NBEA: variants seen among roughly 807,000 people sequenced by gnomAD.
NBEA encodes lysosomal-trafficking regulator 2.
In NBEA, 44 loss-of-function variants were observed where a neutral mutation model predicts 343.4. The observed-to-expected ratio is 0.13, with a 90% CI of 0.10 to 0.16. The LOEUF is 0.16. NBEA is among the 10% of genes least tolerant of loss of function. NBEA has a pLI of 1.00. For missense variants in NBEA, 2,555 were observed against 3,631.3 expected (o/e 0.70, Z 7.62); for synonymous variants, 1,175 against 1,238.7 (o/e 0.95, Z 1.08).
intron 38 of NBEA, among the ~76,000 whole-genome samples, chr13:35,392,428 T>C (rs2042547152): frequency 6.6e-6 from 1 of 151,860 alleles, no homozygotes; most frequent in Admixed American, 6.6e-5. Context: ...ATAGGAAACA[T>C]CTGGTGGTAA....
At chr13:35,490,657 A>G (rs1594794278) in intron 41 of NBEA, among the ~76,000 whole-genome samples, 1 of 151,992 alleles carries the variant, frequency 6.6e-6, no homozygotes, top group Non-Finnish European at 1.5e-5. Context: ...ATCTTTAAAC[A>G]AGACAAAGAA....
chr13:35,475,434 C>A (rs772560521), intron 41 of NBEA: 9 of 1,613,386 alleles, frequency 5.6e-6, no homozygotes, highest in Non-Finnish European at 7.6e-6. Context: ...TCTCTGCCTC[C>A]GCGAACTGCA....
chr13:35,561,063 CCTATAT>C (rs2079835607), intron 44 of NBEA, among the ~76,000 whole-genome samples: 1 of 152,046 alleles, frequency 6.6e-6, no homozygotes, highest in African/African-American at 2.4e-5. Flanking sequence ...GAATTACTGC[CCTATAT>C]CTATATCTTT....
In NBEA at chr13:35,212,874, C is replaced by CT. The variant is rs760557548; in HGVS notation, c.5648+1703dup. On this transcript the variant is annotated intron_variant, in intron 33 of 58. Coordinates refer to ENST00000379939, the MANE Select transcript of NBEA (RefSeq NM_001385012.1). ...CTAGTCCATTTTTTTAAATTGTGGGCTTTTTTTTGTCTTTTTCTAATTAAT... is the reference window on the plus strand; with the variant it reads ...CTAGTCCATTTTTTTAAATTGTGGGCTTTTTTTTTGTCTTTTTCTAATTAAT... Among the ~76,000 whole-genome samples the CT allele has an allele frequency of 3.1e-3, 463 of 151,392 alleles. 1 individual carries two copies. The highest frequency in any genetic ancestry group is 0.01 in the African/African-American group (422 of 41,326).
chr13:35,472,086 T>A (rs1194322184), intron 40 of NBEA, among the ~76,000 whole-genome samples: 1 of 152,178 alleles, frequency 6.6e-6, no homozygotes. Context: ...TTGGGGCATT[T>A]GTCCGTTCTG....
At chr13:35,247,913 T>C (rs1481482894) in intron 34 of NBEA, among the ~76,000 whole-genome samples, 1 of 151,832 alleles carries the variant, frequency 6.6e-6, no homozygotes, top group African/African-American at 2.4e-5. Context: ...AAGTAAAAAA[T>C]GAAAGAGTAG....
chr13:35,278,640 T>C (rs1594054836), intron 34 of NBEA, among the ~76,000 whole-genome samples: 2 of 152,222 alleles, frequency 1.3e-5, no homozygotes, highest in African/African-American at 2.4e-5. Flanking sequence ...CCAATACTTT[T>C]CCATATCATT....
At chr13:35,017,661 T>G (rs2061701474) in intron 1 of NBEA, among the ~76,000 whole-genome samples, 1 of 152,218 alleles carries the variant, frequency 6.6e-6, no homozygotes, top group South Asian at 2.1e-4. Context: ...GGCTTATATT[T>G]TTAATTAAGA....
chr13:35,068,758 G>T (rs2063751821), intron 8 of NBEA, among the ~76,000 whole-genome samples: 1 of 152,104 alleles, frequency 6.6e-6, no homozygotes, highest in Non-Finnish European at 1.5e-5. Flanking sequence ...TAAAATGTTT[G>T]AATTAAATTT....
chr13:35,101,921 G>C (rs2065665842), intron 11 of NBEA, among the ~76,000 whole-genome samples: 1 of 151,526 alleles, frequency 6.6e-6, no homozygotes, highest in Non-Finnish European at 1.5e-5. Context: ...TTTTAATATA[G>C]GTTAAAATTT....
At chr13:35,137,274 C>A (rs1180995111) in intron 17 of NBEA, among the ~76,000 whole-genome samples, 2 of 152,088 alleles carry the variant, frequency 1.3e-5, no homozygotes, top group African/African-American at 4.8e-5. Flanking sequence ...CACGGTGAAA[C>A]CCCGTCTCTA....
At chr13:35,248,976 C>T (rs1399894888) in intron 34 of NBEA, among the ~76,000 whole-genome samples, 2 of 151,812 alleles carry the variant, frequency 1.3e-5, no homozygotes, top group Non-Finnish European at 2.9e-5. Context: ...ATGGAGAAGC[C>T]CCATCTGTAC....
chr13:35,664,103 C>T, intron 55 of NBEA, among the ~76,000 whole-genome samples: 1 of 152,194 alleles, frequency 6.6e-6, no homozygotes, highest in East Asian at 1.9e-4. Flanking sequence ...TGTGGCTTCC[C>T]TCTTGCCACT....
At chr13:35,163,812 A>G (rs2152715135) in intron 23 of NBEA, among the ~76,000 whole-genome samples, 1 of 152,176 alleles carries the variant, frequency 6.6e-6, no homozygotes, top group Non-Finnish European at 1.5e-5. Context: ...CTTCTTTAGC[A>G]GTATACATTT....
chr13:35,420,077 T>C (rs1329681228), intron 38 of NBEA, among the ~76,000 whole-genome samples: 1 of 152,040 alleles, frequency 6.6e-6, no homozygotes, highest in Non-Finnish European at 1.5e-5. Context: ...ATAGGGACAA[T>C]TTTATTTCCT....
At chr13:35,381,253 T>C (rs2041998316) in intron 38 of NBEA, among the ~76,000 whole-genome samples, 1 of 152,106 alleles carries the variant, frequency 6.6e-6, no homozygotes, top group Non-Finnish European at 1.5e-5. Flanking sequence ...GGGGAATATA[T>C]ACTTTCTTTC....
intron 38 of NBEA, among the ~76,000 whole-genome samples, chr13:35,389,688 G>A (rs1478401408): frequency 6.6e-6 from 1 of 151,980 alleles, no homozygotes; most frequent in African/African-American, 2.4e-5. Context: ...TACTTTGATT[G>A]CAAGCATTTA....
intron 30 of NBEA, among the ~76,000 whole-genome samples, chr13:35,190,501 AT>A (rs1385348645): frequency 6.6e-5 from 10 of 152,150 alleles, no homozygotes; most frequent in African/African-American, 2.4e-4. Context: ...AGGGTGGAAC[AT>A]TTATTGGTTC....
chr13:35,254,328 T>A (rs1023852357), intron 34 of NBEA, among the ~76,000 whole-genome samples: 1 of 136,716 alleles, frequency 7.3e-6, no homozygotes, highest in African/African-American at 2.7e-5. Context: ...TTTTTACTTT[T>A]TTTTTTTTTT....
Sources: gnomAD v4.1 joint callset for allele counts (sites outside exome capture counted in the v4.1 genomes callset) on GRCh38, gnomAD v4.1.1 for gene constraint, MANE v1.5 for transcripts, NCBI Gene and HGNC (gene_info 2026-07-23, HGNC 2026-07-21) for gene names.